NUSAP1: variants seen among roughly 807,000 people sequenced by gnomAD.
The protein encoded by NUSAP1 is nucleolar and spindle-associated protein 1.
NUSAP1 carries 32 observed loss-of-function variants against 52.8 expected under a neutral mutation model. The ratio of observed to expected loss-of-function variants is 0.61; its 90% CI spans 0.46 to 0.81. The LOEUF (loss-of-function observed/expected upper bound fraction) is 0.81, where lower values mean the gene tolerates loss of function less well. Ranked by LOEUF, NUSAP1 falls within the 40% of genes least tolerant of loss-of-function variation. The pLI, the probability that NUSAP1 is intolerant of heterozygous loss-of-function variation, is 0.00. For missense variants in NUSAP1, 499 were observed against 522.3 expected, an observed-to-expected ratio of 0.96 and a Z score of 0.43; for synonymous variants, 195 against 183.1, an observed-to-expected ratio of 1.06 and a Z score of -0.52.
chr15:41,357,803 C>T (rs1319668035), intron 5 of NUSAP1, among the ~76,000 whole-genome samples: 1 of 152,058 alleles, frequency 6.6e-6, no homozygotes, highest in African/African-American at 2.4e-5. Flanking sequence ...CCTTGACATA[C>T]AGCATTATAA....
rs1165942802 is a variant in NUSAP1 at position 41,365,496 on chromosome 15, A to G, written c.755A>G (p.Gln252Arg). 4 of 1,612,830 alleles carry G rather than the reference A, an allele frequency of 2.5e-6. No individual in the cohort carries two copies. The highest frequency in any genetic ancestry group is 1.1e-5 in the South Asian group (1 of 90,748). The change falls in exon 7 of 11, where the codon CAA (glutamine) becomes CGA (arginine). Residue 252 changes from glutamine (Q) to arginine (R), a missense_variant. By Grantham distance (43) the Gln-to-Arg change is conservative (BLOSUM62 1). Transcript: ENST00000559596. ...ASTPISQRRS[Q>R]GRSCGPASQS... ...ACTCCCATCAGCCAACGACGCTCGC[A>G]AGGCCGGTCTTGTGGCCCTGCAAGT...
At chr15:41,368,786 G>T (rs1488058203) in intron 7 of NUSAP1, among the ~76,000 whole-genome samples, 2 of 125,214 alleles carry the variant, frequency 1.6e-5, no homozygotes, top group African/African-American at 6.3e-5. Context: ...AGGCTGGAGT[G>T]TGGTGGCGCA....
chr15:41,354,302 C>G (rs531439391), intron 4 of NUSAP1, among the ~76,000 whole-genome samples: 2 of 151,984 alleles, frequency 1.3e-5, no homozygotes, highest in African/African-American at 2.4e-5. Flanking sequence ...AGGTCAGGAT[C>G]GAGACCAGCC....
rs1035785612 is a variant in NUSAP1, at chr15:41,338,001, C to T, written c.94-4385C>T. 3.1e-4 allele frequency among the ~76,000 whole-genome samples: 44 copies of T among 143,302 alleles called. 1 individual carries two copies. Among genetic ancestry groups the T allele is most frequent in the Non-Finnish European group, 4.5e-5 (3 of 66,976 alleles). The allele number at this position is 143,302 out of a possible 152,430, so 94.0% of individuals were successfully genotyped here. Reference sequence around the variant, plus strand: ...AGGCTAGAGTGCAGTGGCGCAATCTCGGCTCACTGCAACCTCCACTTCCCA... The same window carrying T: ...AGGCTAGAGTGCAGTGGCGCAATCTTGGCTCACTGCAACCTCCACTTCCCA... On this transcript the variant is annotated intron_variant, in intron 1 of 10. Transcript: ENST00000559596.
In NUSAP1 at chr15:41,342,405, C is replaced by A. The variant is rs571321670; in HGVS notation, c.113C>A (p.Ala38Asp). 2.5e-6 allele frequency: 4 copies of A among 1,594,114 alleles called. No individual in the cohort carries two copies. In the East Asian group the frequency reaches 9.0e-5, roughly 36 times the overall value. Residue 38 changes from alanine to aspartate, a missense_variant, in exon 2 of 11, where the codon GCC (alanine) becomes GAC (aspartate). Transcript: ENST00000559596. ...TTGCAGGCAACCAAGTTGTTAAAAG[C>A]CTTGAAAGGCTACATTAAACATGAG... Reference protein sequence around the residue: ...ANLRATKLLKALKGYIKHEAR... With the variant: ...ANLRATKLLKDLKGYIKHEAR...
chr15:41,346,286 T>C (rs912533998), intron 2 of NUSAP1, among the ~76,000 whole-genome samples: 1 of 151,752 alleles, frequency 6.6e-6, no homozygotes, highest in Non-Finnish European at 1.5e-5. Flanking sequence ...CCAACAGATA[T>C]ATTTTATATT....
rs187474389 is a variant in NUSAP1, at chr15:41,341,140, A to G, written c.94-1246A>G. Among the ~76,000 whole-genome samples the G allele has an allele frequency of 5.4e-3, 824 of 152,308 alleles. 5 individuals carry two copies. The highest frequency in any genetic ancestry group is 8.8e-3 in the Non-Finnish European group (600 of 68,028). On this transcript the variant is annotated intron_variant, in intron 1 of 10. Coordinates refer to ENST00000559596, the MANE Select transcript of NUSAP1 (RefSeq NM_016359.5). ...TGCAGTGGCATCATCTCCTCGGCTC[A>G]CTGCAACCTTCGCCTCCTGGGTTCA...
intron 1 of NUSAP1, among the ~76,000 whole-genome samples, chr15:41,337,844 A>G (rs1308340286): frequency 1.3e-5 from 2 of 151,292 alleles, no homozygotes; most frequent in East Asian, 1.9e-4. Flanking sequence ...GAGTGCCCCC[A>G]GGGCTCTCTT....
chr15:41,373,728 A>G (rs2049808907), intron 8 of NUSAP1, among the ~76,000 whole-genome samples: 1 of 151,872 alleles, frequency 6.6e-6, no homozygotes, highest in South Asian at 2.1e-4. Context: ...GATTACAGGC[A>G]TGAGCCACCG....
chr15:41,348,330 T>G (rs2048656804), intron 2 of NUSAP1, among the ~76,000 whole-genome samples: 1 of 152,034 alleles, frequency 6.6e-6, no homozygotes, highest in Admixed American at 6.6e-5. Context: ...CCACCAGCCT[T>G]GGCCTCCCAA....
intron 7 of NUSAP1, among the ~76,000 whole-genome samples, chr15:41,366,807 G>A (rs1447213491): frequency 1.3e-5 from 2 of 152,096 alleles, no homozygotes; most frequent in Admixed American, 1.3e-4. Context: ...CATGGTTTAT[G>A]TGTCCTTGCA....
At chr15:41,349,738 G>A (rs1202732843) in intron 3 of NUSAP1, among the ~76,000 whole-genome samples, 4 of 149,944 alleles carry the variant, frequency 2.7e-5, no homozygotes, top group Admixed American at 6.7e-5. Flanking sequence ...TTTTTACAAA[G>A]CACAGTCTTT....
At chr15:41,363,925 A>T (rs2140756190) in intron 6 of NUSAP1, among the ~76,000 whole-genome samples, 1 of 152,222 alleles carries the variant, frequency 6.6e-6, no homozygotes, top group Non-Finnish European at 1.5e-5. Flanking sequence ...GACTTCAAAA[A>T]GCTATTGTTT....
At chr15:41,378,887 G>T (rs1026820087) in intron 10 of NUSAP1, among the ~76,000 whole-genome samples, 2 of 135,638 alleles carry the variant, frequency 1.5e-5, no homozygotes, top group African/African-American at 2.8e-5. Flanking sequence ...ACTTTCAGAG[G>T]ATTAGACAAA....
chr15:41,356,282 C>G, intron 5 of NUSAP1, 142 bp downstream of exon 5: 2 of 645,044 alleles, frequency 3.1e-6, no homozygotes, highest in African/African-American at 1.9e-5. Flanking sequence ...TCTTGGGGAA[C>G]TTACTCATCC....
chr15:41,367,518 C>T (rs191936842), intron 7 of NUSAP1, among the ~76,000 whole-genome samples: 1 of 152,292 alleles, frequency 6.6e-6, no homozygotes, highest in Admixed American at 6.5e-5. Context: ...GCACAGTGCA[C>T]TCCAGAAGTG....
rs202120158 is a variant in NUSAP1 at position 41,345,468 on chromosome 15, CTTT to C, written c.162+3024_162+3026del. On this transcript the variant is annotated intron_variant, in intron 2 of 10. Coordinates refer to ENST00000559596, the MANE Select transcript of NUSAP1 (RefSeq NM_016359.5). ...TTTATGATCACCTATTTTTTTCTTT[CTTT>C]TTTTTTTTTCTGAGTTTCACTCTTG... 642 of 355,912 alleles carry C rather than the reference CTTT, an allele frequency of 1.8e-3. 4 individuals are homozygous for C. Among genetic ancestry groups the C allele is most frequent in the African/African-American group, 0.013 (594 of 44,258 alleles). 22.0% of individuals were successfully genotyped at this position (355,912 alleles called of 1,614,324 possible). A position where few individuals can be genotyped will look rare whatever the true frequency, so the allele number is the denominator to read the frequency against.
At chr15:41,371,119 C>T (rs1183755226) in intron 7 of NUSAP1, among the ~76,000 whole-genome samples, 1 of 152,116 alleles carries the variant, frequency 6.6e-6, no homozygotes, top group Admixed American at 6.6e-5. Flanking sequence ...CTTTTAGGAA[C>T]ATACAAGACC....
intron 7 of NUSAP1, 38 bp from the exon 8 acceptor site, chr15:41,371,489 C>A: frequency 6.6e-7 from 1 of 1,511,458 alleles, no homozygotes. Context: ...TTACTCTTGC[C>A]ACAGTACTCA....
Sources: allele counts gnomAD v4.1 joint callset (sites outside exome capture counted in the v4.1 genomes callset), GRCh38; gene constraint gnomAD v4.1.1; transcripts MANE v1.5; gene names NCBI Gene and HGNC (gene_info 2026-07-23, HGNC 2026-07-21).